KCND2: variants seen among roughly 807,000 people sequenced by gnomAD.
The protein encoded by KCND2 is potassium voltage-gated channel subfamily D member 2, also known as A-type voltage-gated potassium channel KCND2.
Under a neutral mutation model 54.4 loss-of-function variants are expected in KCND2, and 16 were observed. The observed-to-expected ratio is 0.29, with a 90% CI of 0.20 to 0.45. KCND2 has a LOEUF of 0.45. KCND2 is among the 20% of genes least tolerant of loss of function. KCND2 has a pLI of 1.00. For synonymous variants in KCND2, 317 were observed against 310.7 expected (o/e 1.02, Z -0.21); for missense variants, 486 against 824.2 (o/e 0.59, Z 5.02).
intron 1 of KCND2, among the ~76,000 whole-genome samples, chr7:120,617,178 G>A (rs776625735): frequency 2.6e-5 from 4 of 152,144 alleles, no homozygotes; most frequent in Non-Finnish European, 5.9e-5. Context: ...AACAGAGATA[G>A]CAAGGTGCTC....
chr7:120,600,848 A>G (rs901164438), intron 1 of KCND2, among the ~76,000 whole-genome samples: 3 of 152,080 alleles, frequency 2.0e-5, no homozygotes, highest in African/African-American at 7.2e-5. Flanking sequence ...TAACTGAACA[A>G]CTCAATGAAT....
At chr7:120,327,994 A>C (rs1321391569) in intron 1 of KCND2, among the ~76,000 whole-genome samples, 2 of 152,144 alleles carry the variant, frequency 1.3e-5, no homozygotes, top group African/African-American at 4.8e-5. Flanking sequence ...GATCACAATG[A>C]GCACCTATCA....
chr7:120,281,295 T>C (rs867990175), intron 1 of KCND2, among the ~76,000 whole-genome samples: 1 of 152,106 alleles, frequency 6.6e-6, no homozygotes, highest in African/African-American at 2.4e-5. Context: ...ATGTCTTATA[T>C]TGTTTTCTAA....
intron 1 of KCND2, among the ~76,000 whole-genome samples, chr7:120,285,214 A>G (rs1421234254): frequency 1.3e-5 from 2 of 152,114 alleles, no homozygotes; most frequent in Non-Finnish European, 2.9e-5. Context: ...TTCACAATGC[A>G]GAATATTTTA....
intron 1 of KCND2, among the ~76,000 whole-genome samples, chr7:120,440,657 A>ATT (rs955281706): frequency 6.6e-6 from 1 of 151,860 alleles, no homozygotes; most frequent in African/African-American, 2.4e-5. Flanking sequence ...TTTTGAGTTG[A>ATT]TTTTTATGTA....
At chr7:120,482,585 A>G (rs1802621953) in intron 1 of KCND2, among the ~76,000 whole-genome samples, 1 of 152,162 alleles carries the variant, frequency 6.6e-6, no homozygotes, top group Admixed American at 6.5e-5. Context: ...TGAAAACATT[A>G]ATGCTGTTAT....
chr7:120,717,723 T>C (rs765885471), intron 1 of KCND2, among the ~76,000 whole-genome samples: 2 of 152,064 alleles, frequency 1.3e-5, no homozygotes, highest in Non-Finnish European at 2.9e-5. Context: ...ATCTCTTCTA[T>C]TTACTGCTTG....
intron 1 of KCND2, among the ~76,000 whole-genome samples, chr7:120,642,360 A>C (rs1356177091): frequency 2.7e-5 from 4 of 149,508 alleles, no homozygotes; most frequent in Non-Finnish European, 5.9e-5. Context: ...GGAGTTCGAG[A>C]CCAGCCTGGC....
At chr7:120,591,740 T>G (rs1231938405) in intron 1 of KCND2, among the ~76,000 whole-genome samples, 1 of 152,182 alleles carries the variant, frequency 6.6e-6, no homozygotes, top group Non-Finnish European at 1.5e-5. Context: ...AGCCTCCCCA[T>G]TCCTCAATCT....
chr7:120,423,453 C>T lies in KCND2; in HGVS notation c.1115+147706C>T, dbSNP rs943782325. Among the ~76,000 whole-genome samples the T allele has an allele frequency of 2.6e-5, 4 of 152,264 alleles. No individual in the cohort carries two copies. The East Asian group carries it at 7.7e-4, about 29-fold the overall frequency. Reference sequence around the variant, plus strand: ...TTTGGAGATGTCAGAAATTAATTGTCACTCCACATCTTCAGCTATCTCCCA... The same window carrying T: ...TTTGGAGATGTCAGAAATTAATTGTTACTCCACATCTTCAGCTATCTCCCA... On this transcript the variant is annotated intron_variant, in intron 1 of 5. Transcript: ENST00000331113.
intron 1 of KCND2, among the ~76,000 whole-genome samples, chr7:120,613,025 A>T (rs1356334458): frequency 6.6e-6 from 1 of 152,100 alleles, no homozygotes; most frequent in Non-Finnish European, 1.5e-5. Flanking sequence ...CAAGATATCC[A>T]TAGAATTTGG....
intron 1 of KCND2, among the ~76,000 whole-genome samples, chr7:120,662,391 C>T (rs950597476): frequency 1.3e-5 from 2 of 152,106 alleles, no homozygotes; most frequent in African/African-American, 2.4e-5. Context: ...TTTTTATTAT[C>T]AGAAAGTTCT....
intron 1 of KCND2, among the ~76,000 whole-genome samples, chr7:120,495,767 C>T (rs1231998829): frequency 6.6e-6 from 1 of 152,094 alleles, no homozygotes; most frequent in Admixed American, 6.6e-5. Flanking sequence ...CCATGCCCTG[C>T]CCCACCTACC....
At chr7:120,567,944 G>T (rs184210854) in intron 1 of KCND2, among the ~76,000 whole-genome samples, 1 of 152,012 alleles carries the variant, frequency 6.6e-6, no homozygotes. Context: ...CATCAATGAT[G>T]CATGTAATAT....
intron 1 of KCND2, among the ~76,000 whole-genome samples, chr7:120,650,060 A>G (rs923890235): frequency 6.6e-6 from 1 of 151,334 alleles, no homozygotes; most frequent in Non-Finnish European, 1.5e-5. Context: ...TTTTTCCTTC[A>G]TTTCAACTTT....
chr7:120,290,110 C>T (rs553466347), intron 1 of KCND2, among the ~76,000 whole-genome samples: 1 of 152,146 alleles, frequency 6.6e-6, no homozygotes, highest in South Asian at 2.1e-4. Context: ...AAATCTCCCC[C>T]ACAGATTTTT....
chr7:120,300,856 A>C (rs1206065920), intron 1 of KCND2, among the ~76,000 whole-genome samples: 1 of 152,126 alleles, frequency 6.6e-6, no homozygotes, highest in Admixed American at 6.5e-5. Context: ...TCTTACATTT[A>C]AAACAAGAAG....
At chr7:120,315,538 G>T (rs1461088222) in intron 1 of KCND2, among the ~76,000 whole-genome samples, 1 of 151,774 alleles carries the variant, frequency 6.6e-6, no homozygotes, top group African/African-American at 2.4e-5. Context: ...TCTCGGTGTC[G>T]ATTATTTTGC....
chr7:120,531,304 A>G (rs1267626655), intron 1 of KCND2, among the ~76,000 whole-genome samples: 2 of 152,056 alleles, frequency 1.3e-5, no homozygotes, highest in Non-Finnish European at 2.9e-5. Flanking sequence ...TAATTCTTCC[A>G]CCACCAAATC....
Sources: gnomAD v4.1 joint callset for allele counts (sites outside exome capture counted in the v4.1 genomes callset) on GRCh38, gnomAD v4.1.1 for gene constraint, MANE v1.5 for transcripts, NCBI Gene and HGNC (gene_info 2026-07-23, HGNC 2026-07-21) for gene names.